Variants in ATP10A observed in about 807,000 individuals in gnomAD.
ATP10A encodes the protein phospholipid-transporting ATPase VA.
Under a neutral mutation model 147.8 loss-of-function variants are expected in ATP10A, and 111 were observed. That is an observed-to-expected ratio of 0.75 (90% confidence interval 0.64 to 0.88). The LOEUF (loss-of-function observed/expected upper bound fraction) is 0.88. ATP10A is among the 40% of genes least tolerant of loss of function. ATP10A has a pLI of 0.00. For missense variants in ATP10A, 1,927 were observed against 1,959.0 expected, an observed-to-expected ratio of 0.98 and a Z score of 0.31; for synonymous variants, 875 against 841.6, an observed-to-expected ratio of 1.04 and a Z score of -0.69.
intron 1 of ATP10A, among the ~76,000 whole-genome samples, chr15:25,787,611 T>TAA (rs745619844): frequency 4.7e-4 from 42 of 90,030 alleles, no homozygotes; most frequent in South Asian, 3.6e-3. Context: ...GACTCCTTCT[T>TAA]AAAAAAAAAA....
intron 1 of ATP10A, among the ~76,000 whole-genome samples, chr15:25,829,705 G>A (rs886327875): frequency 6.6e-6 from 1 of 152,180 alleles, no homozygotes; most frequent in African/African-American, 2.4e-5. Flanking sequence ...AGCCAGGAGA[G>A]AGCTGGGGGA....
At chr15:25,840,626 C>T (rs981585614) in intron 1 of ATP10A, among the ~76,000 whole-genome samples, 3 of 152,172 alleles carry the variant, frequency 2.0e-5, no homozygotes, top group African/African-American at 7.2e-5. Context: ...AACATTTCTG[C>T]AAAGCTTCTC....
chr15:25,841,062 T>G (rs1352831629), intron 1 of ATP10A, among the ~76,000 whole-genome samples: 1 of 152,218 alleles, frequency 6.6e-6, no homozygotes, highest in Non-Finnish European at 1.5e-5. Flanking sequence ...GGTATGTGAT[T>G]TGCAAATATT....
chr15:25,862,935 C>T lies in ATP10A; in HGVS notation c.162G>A (p.Gly54=). The T allele has an allele frequency of 1.3e-6, 2 of 1,582,312 alleles. No individual in the cohort carries two copies. The highest frequency in any genetic ancestry group is 1.7e-6 in the Non-Finnish European group (2 of 1,168,306). ...GGTTGTCGGCCAGGTGCTGGGCACA[C>T]CCGCGCCGCCGTCGCCGCTCGCCCT... The part of the protein sequence containing the change: ...AAKGERRRRR[G]CAQHLADNRL... Residue 54 remains glycine, a synonymous_variant, in exon 1 of 21, where the codon GGG becomes GGA. Transcript: ENST00000555815.
intron 3 of ATP10A, among the ~76,000 whole-genome samples, chr15:25,732,061 A>G (rs1567341180): frequency 6.6e-6 from 1 of 151,998 alleles, no homozygotes; most frequent in Non-Finnish European, 1.5e-5. Context: ...TTGTAGAGAC[A>G]AGGTCTCACT....
intron 2 of ATP10A, among the ~76,000 whole-genome samples, chr15:25,764,179 C>T (rs928622778): frequency 6.6e-6 from 1 of 152,094 alleles, no homozygotes; most frequent in East Asian, 1.9e-4. Context: ...CCGAGTGAGG[C>T]TGATGCTGTT....
intron 1 of ATP10A, among the ~76,000 whole-genome samples, chr15:25,782,672 T>A (rs1019135947): frequency 6.6e-6 from 1 of 152,152 alleles, no homozygotes; most frequent in Non-Finnish European, 1.5e-5. Flanking sequence ...TATCAACAGA[T>A]ATTTAGATTA....
chr15:25,700,873 T>G (rs1484159759), intron 13 of ATP10A, among the ~76,000 whole-genome samples: 2 of 151,724 alleles, frequency 1.3e-5, no homozygotes, highest in Non-Finnish European at 2.9e-5. Context: ...AATGACCAGG[T>G]CATCAGGTCA....
rs1369635474 is a variant in ATP10A at position 25,714,230 on chromosome 15, C to T, written c.1788G>A (p.Arg596=). 1.9e-6 allele frequency: 3 copies of T among 1,599,252 alleles called. No homozygotes were observed. The highest frequency in any genetic ancestry group is 2.7e-5 in the African/African-American group (2 of 74,878). The change falls in exon 10 of 21, where the codon AGG becomes AGA. Residue 596 remains arginine (R), a synonymous_variant. Transcript: ENST00000555815. ...TCTTCACCGGGGACTTCAGCTCAAA[C>T]CTCACCCTCACCTGCAAGAGAAATG... ...PDQPRTKVRV[R]FELKSPVKTI...
At chr15:25,832,436 T>A (rs143136480) in intron 1 of ATP10A, among the ~76,000 whole-genome samples, 235 of 152,312 alleles carry the variant, frequency 1.5e-3, no homozygotes, top group African/African-American at 5.2e-3. Flanking sequence ...CAAGGCAAAG[T>A]CATCACAAAG....
intron 1 of ATP10A, among the ~76,000 whole-genome samples, chr15:25,821,584 T>C (rs6576466): frequency 0.35 from 52,601 of 151,842 alleles, 10,391 homozygotes; most frequent in African/African-American, 0.54. Flanking sequence ...ATTTCAACTG[T>C]GGCATCCAAT....
intron 1 of ATP10A, among the ~76,000 whole-genome samples, chr15:25,800,484 C>T (rs77761912): frequency 6.6e-6 from 1 of 152,194 alleles, no homozygotes; most frequent in Non-Finnish European, 1.5e-5. Flanking sequence ...CTGCCCTCCC[C>T]TTGTGACCCA....
At chr15:25,835,418 T>G (rs749653321) in intron 1 of ATP10A, among the ~76,000 whole-genome samples, 32 of 152,170 alleles carry the variant, frequency 2.1e-4, no homozygotes, top group Non-Finnish European at 4.3e-4. Context: ...TGGGTCTCAA[T>G]AAAGCCCCCG....
In ATP10A at chr15:25,679,473, G is replaced by T. The variant is rs749938322; in HGVS notation, c.4368C>A (p.Phe1456Leu). The T allele has an allele frequency of 6.2e-7, 1 of 1,614,058 alleles. No homozygotes were observed. Among genetic ancestry groups the T allele is most frequent in the South Asian group, 1.1e-5 (1 of 91,076 alleles). The change falls in exon 21 of 21, where the codon TTC (phenylalanine) becomes TTA (leucine). Residue 1456 changes from phenylalanine to leucine, a missense_variant. Coordinates refer to ENST00000555815, the MANE Select transcript of ATP10A (RefSeq NM_024490.4). ...LVSRLGSVLQ[F>L]SRTEQLADGQ... ...CATCTGCAAGCTGCTCCGTCCGGGAGAACTGTAAGACACTCCCCAGCCTGC... is the reference window on the plus strand; with the variant it reads ...CATCTGCAAGCTGCTCCGTCCGGGATAACTGTAAGACACTCCCCAGCCTGC...
chr15:25,711,541 C>T (rs1456489000), intron 10 of ATP10A, among the ~76,000 whole-genome samples: 3 of 152,170 alleles, frequency 2.0e-5, no homozygotes, highest in Admixed American at 6.5e-5. Flanking sequence ...TGAACCTTAA[C>T]CTGCCCAGTG....
At chr15:25,831,247 T>G (rs1467002621) in intron 1 of ATP10A, among the ~76,000 whole-genome samples, 1 of 152,192 alleles carries the variant, frequency 6.6e-6, no homozygotes, top group Admixed American at 6.5e-5. Flanking sequence ...CCACCCCGTA[T>G]GAGATTCTCT....
intron 2 of ATP10A, among the ~76,000 whole-genome samples, chr15:25,751,648 T>C (rs1888161208): frequency 6.6e-6 from 1 of 152,034 alleles, no homozygotes; most frequent in Non-Finnish European, 1.5e-5. Flanking sequence ...AGTTTGGTAA[T>C]ATCAAACTTA....
At chr15:25,684,539 C>T (rs1899610485) in intron 16 of ATP10A, among the ~76,000 whole-genome samples, 1 of 152,132 alleles carries the variant, frequency 6.6e-6, no homozygotes, top group Non-Finnish European at 1.5e-5. Context: ...GTTTGGGACT[C>T]AGGCAGGGCG....
chr15:25,769,995 GC>G (rs1889251039), intron 2 of ATP10A, among the ~76,000 whole-genome samples: 2 of 152,128 alleles, frequency 1.3e-5, no homozygotes, highest in Admixed American at 6.5e-5. Flanking sequence ...CAGGAGAGAG[GC>G]CTCAAGTAAA....
Sources: allele counts gnomAD v4.1 joint callset (sites outside exome capture counted in the v4.1 genomes callset), GRCh38; gene constraint gnomAD v4.1.1; transcripts MANE v1.5; gene names NCBI Gene and HGNC (gene_info 2026-07-23, HGNC 2026-07-21).